Variants in NDUFA10 observed in about 807,000 individuals in gnomAD.
NDUFA10 encodes NADH:ubiquinone oxidoreductase subunit A10, also known as NADH dehydrogenase [ubiquinone] 1 alpha subcomplex subunit 10, mitochondrial.
Under a neutral mutation model 47.8 loss-of-function variants are expected in NDUFA10, and 40 were observed. That is an observed-to-expected ratio of 0.84 (90% CI 0.65 to 1.09). The LOEUF is 1.09. NDUFA10 is among the 50% of genes least tolerant of loss of function. The pLI is 0.00. For missense variants in NDUFA10, 413 were observed against 451.1 expected, an observed-to-expected ratio of 0.92 and a Z score of 0.76; for synonymous variants, 183 against 172.2, an observed-to-expected ratio of 1.06 and a Z score of -0.49.
intron 9 of NDUFA10, among the ~76,000 whole-genome samples, chr2:239,989,635 C>T (rs938296810): frequency 6.6e-6 from 1 of 152,258 alleles, no homozygotes; most frequent in South Asian, 2.1e-4. Flanking sequence ...TTGCCCCTAC[C>T]AACTTCCACC....
chr2:240,020,885 GCT>G (rs1677803256), intron 3 of NDUFA10, among the ~76,000 whole-genome samples: 1 of 152,250 alleles, frequency 6.6e-6, no homozygotes, highest in Admixed American at 6.5e-5. Flanking sequence ...ACACTTCTGT[GCT>G]CTCTTTACCC....
chr2:239,992,801 C>T (rs189168802), intron 8 of NDUFA10, among the ~76,000 whole-genome samples: 3,813 of 151,022 alleles, frequency 0.025, 109 homozygotes, highest in Admixed American at 0.089. Flanking sequence ...CATAGCTATA[C>T]ACATACACAT....
At chr2:239,938,487 G>C (rs570743354) in intron 4 of NDUFA10, among the ~76,000 whole-genome samples, 11 of 152,236 alleles carry the variant, frequency 7.2e-5, no homozygotes, top group Admixed American at 7.2e-4. Context: ...ATGATCAATG[G>C]AGAAGCTCTT....
chr2:239,926,667 A>G (rs1574783487), intron 4 of NDUFA10, among the ~76,000 whole-genome samples: 1 of 152,234 alleles, frequency 6.6e-6, no homozygotes, highest in Non-Finnish European at 1.5e-5. Context: ...TTCAGGAGGT[A>G]TTCAGAAGAA....
intron 9 of NDUFA10, among the ~76,000 whole-genome samples, chr2:239,967,222 C>T (rs929841536): frequency 2.6e-5 from 4 of 152,362 alleles, no homozygotes; most frequent in South Asian, 2.1e-4. Flanking sequence ...TATGCTGCTG[C>T]TTACACTTCG....
chr2:239,961,248 T>C (rs113582000), intron 9 of NDUFA10, 62 bp from the exon 10 acceptor site: 12 of 1,612,372 alleles, frequency 7.4e-6, no homozygotes, highest in Non-Finnish European at 5.1e-6. Flanking sequence ...CCCCAGCTCA[T>C]AGTTCAATGT....
chr2:239,975,103 G>C (rs1377912632), intron 9 of NDUFA10, among the ~76,000 whole-genome samples: 1 of 152,110 alleles, frequency 6.6e-6, no homozygotes, highest in South Asian at 2.1e-4. Context: ...CGCCACCAAA[G>C]ATCTGGTCAT....
At chr2:240,014,717 C>CTTTGATTGAAAACTGCATTACA in intron 5 of NDUFA10, 22 bp downstream of exon 5, 2 of 1,614,130 alleles carry the variant, frequency 1.2e-6, no homozygotes, top group East Asian at 4.5e-5. Context: ...GATGCTTGGC[C>CTTTGATTGAAAACTGCATTACA]TTTGATTGAA....
At chr2:239,922,235 C>T (rs554794718) in intron 4 of NDUFA10, among the ~76,000 whole-genome samples, 55 of 152,108 alleles carry the variant, frequency 3.6e-4, no homozygotes, top group Non-Finnish European at 7.5e-4. Context: ...GGCCAGTTAT[C>T]TTTGGGTGAC....
intron 5 of NDUFA10, among the ~76,000 whole-genome samples, chr2:239,894,758 A>C: frequency 6.6e-6 from 1 of 150,928 alleles, no homozygotes; most frequent in Non-Finnish European, 1.5e-5. Context: ...TCTCTCCTTG[A>C]CCCTCGCCTC....
chr2:239,958,288 G>C lies in NDUFA10; in HGVS notation c.*2830C>G, dbSNP rs1186092664. On this transcript the variant is annotated 3_prime_UTR_variant, in exon 10 of 10. Transcript: ENST00000252711. ...CTTCCCAGAAAGTAGCCGCCTGCTT[G>C]CTTCTTTGCATTGACATTTGCACTG... 1 of 152,204 alleles carries C rather than the reference G, an allele frequency of 6.6e-6. No homozygotes were observed. The highest frequency in any genetic ancestry group is 1.5e-5 in the Non-Finnish European group (1 of 68,052). 9.4% of individuals were successfully genotyped at this position (152,204 alleles called of 1,614,324 possible).
chr2:240,001,871 C>G (rs913426926), intron 8 of NDUFA10, among the ~76,000 whole-genome samples: 1 of 152,156 alleles, frequency 6.6e-6, no homozygotes, highest in Non-Finnish European at 1.5e-5. Flanking sequence ...AATTTCTGGT[C>G]GGTCGCCCTG....
At chr2:239,965,828 C>T (rs1574821187) in intron 9 of NDUFA10, among the ~76,000 whole-genome samples, 1 of 152,214 alleles carries the variant, frequency 6.6e-6, no homozygotes, top group East Asian at 1.9e-4. Flanking sequence ...GAACAAACCC[C>T]TCCAATGCTC....
intron 4 of NDUFA10, among the ~76,000 whole-genome samples, chr2:239,939,215 T>C (rs1370763944): frequency 6.6e-6 from 1 of 152,036 alleles, no homozygotes; most frequent in Non-Finnish European, 1.5e-5. Flanking sequence ...GGCCTGGGGG[T>C]CTGTCGGGTT....
intron 9 of NDUFA10, among the ~76,000 whole-genome samples, chr2:239,972,834 T>C (rs888524443): frequency 1.3e-5 from 2 of 152,202 alleles, no homozygotes; most frequent in African/African-American, 4.8e-5. Flanking sequence ...TAAGTGCTTG[T>C]TTTAAACCTG....
chr2:239,962,081 G>A (rs4305307), intron 9 of NDUFA10, among the ~76,000 whole-genome samples: 24,108 of 152,166 alleles, frequency 0.16, 2,070 homozygotes, highest in East Asian at 0.25. Flanking sequence ...GTGTTGCTCC[G>A]CAGGACCACC....
At chr2:239,969,619 C>T in intron 9 of NDUFA10, 1 of 470,714 alleles carries the variant, frequency 2.1e-6, no homozygotes, top group South Asian at 1.5e-5. Flanking sequence ...TGGATTCTTT[C>T]TTCCTGTCTC....
intron 4 of NDUFA10, among the ~76,000 whole-genome samples, chr2:239,915,967 C>T (rs1693863645): frequency 1.8e-5 from 1 of 56,510 alleles, no homozygotes; most frequent in Non-Finnish European, 3.1e-5. Context: ...GATACATGGA[C>T]ATACACACAC....
At chr2:240,015,422 T>C (rs1281103145) in intron 4 of NDUFA10, among the ~76,000 whole-genome samples, 3 of 152,226 alleles carry the variant, frequency 2.0e-5, no homozygotes, top group Non-Finnish European at 4.4e-5. Flanking sequence ...TGGTCTTCTC[T>C]GAAGAATAAA....
Sources: allele counts gnomAD v4.1 joint callset (sites outside exome capture counted in the v4.1 genomes callset), GRCh38; gene constraint gnomAD v4.1.1; transcripts MANE v1.5; gene names NCBI Gene and HGNC (gene_info 2026-07-23, HGNC 2026-07-21).